GPR35: variants seen among roughly 807,000 people sequenced by gnomAD.
GPR35 encodes KYNA receptor.
For missense variants in GPR35, 372 were observed against 422.5 expected, an observed-to-expected ratio of 0.88 and a Z score of 1.05; for synonymous variants, 207 against 198.4, an observed-to-expected ratio of 1.04 and a Z score of -0.36.
intron 2 of GPR35, among the ~76,000 whole-genome samples, chr2:240,614,796 AT>A (rs1360920746): frequency 2.0e-5 from 3 of 152,162 alleles, no homozygotes. Context: ...GATGTAGCTT[AT>A]CAGAGTGTGT....
upstream of GPR35, among the ~76,000 whole-genome samples, chr2:240,623,806 C>T (rs1430374108): frequency 2.6e-5 from 4 of 152,174 alleles, no homozygotes; most frequent in Non-Finnish European, 5.9e-5. Context: ...CAGTTTCTTC[C>T]CCAAGTCCAC....
intron 2 of GPR35, among the ~76,000 whole-genome samples, chr2:240,613,871 C>G (rs2043211929): frequency 6.6e-6 from 1 of 151,626 alleles, no homozygotes; most frequent in African/African-American, 2.4e-5. Flanking sequence ...AACCCTAACC[C>G]TAACTCAACC....
rs2043452094 is a variant in GPR35, at chr2:240,631,807, T to C, written c.*925T>C. 6.6e-6 allele frequency among the ~76,000 whole-genome samples: 1 copy of C among 152,324 alleles called. No individual in the cohort carries two copies. Among genetic ancestry groups the C allele is most frequent in the South Asian group, 2.1e-4 (1 of 4,832 alleles). ...GCACTCCAGAGACCTCCTGTGAGTG[T>C]GGGCCAGCACGGCCTGGGCTCAAAC... On this transcript the variant is annotated 3_prime_UTR_variant, in exon 2 of 2. Coordinates refer to ENST00000407714, the MANE Select transcript of GPR35 (RefSeq NM_005301.5).
chr2:240,612,640 G>A (rs981534520), intron 2 of GPR35, among the ~76,000 whole-genome samples: 6 of 152,312 alleles, frequency 3.9e-5, no homozygotes, highest in Non-Finnish European at 8.8e-5. Flanking sequence ...GTGAGGAAAT[G>A]GACTCTGTGA....
intron 2 of GPR35, among the ~76,000 whole-genome samples, chr2:240,614,852 T>A (rs140360384): frequency 6.6e-6 from 1 of 152,158 alleles, no homozygotes; most frequent in Non-Finnish European, 1.5e-5. Context: ...TGTGTATATA[T>A]CTATGTATGT....
exon 5 of GPR35, chr2:240,618,953 G>T (rs946183820): frequency 4.0e-5 from 28 of 702,640 alleles, no homozygotes; most frequent in Non-Finnish European, 6.8e-5. Context: ...ATGCTGAGTG[G>T]TTCCCGGGCT....
At chr2:240,606,457 C>A (rs1346246279) in exon 2 of GPR35, 1 of 152,360 alleles carries the variant, frequency 6.6e-6, no homozygotes, top group Admixed American at 6.5e-5. Flanking sequence ...TCACTTTCCA[C>A]CATCTTGCTG....
At chr2:240,625,417 C>T, upstream of GPR35, 3 of 985,476 alleles carry the variant, frequency 3.0e-6, no homozygotes, top group Middle Eastern at 5.2e-4. Flanking sequence ...AGCCGCCCGC[C>T]CCCCCACCTT....
At chr2:240,621,979 C>T (rs1389291925), upstream of GPR35, among the ~76,000 whole-genome samples, 1 of 152,262 alleles carries the variant, frequency 6.6e-6, no homozygotes, top group Non-Finnish European at 1.5e-5. Flanking sequence ...CTCAGGTGCT[C>T]CTCCCGCCTT....
At chr2:240,616,930 G>A in intron 3 of GPR35, 1 of 770,302 alleles carries the variant, frequency 1.3e-6, no homozygotes, top group South Asian at 1.4e-5. Flanking sequence ...GGAAGATTTG[G>A]GGTCCTCAGG....
intron 3 of GPR35, chr2:240,616,985 G>A (rs778817361): frequency 6.5e-6 from 5 of 770,298 alleles, no homozygotes; most frequent in African/African-American, 1.7e-5. Flanking sequence ...GCCACCTGGG[G>A]GAGCTGGAAG....
intron 1 of GPR35, chr2:240,628,905 T>C (rs767742261): frequency 1.3e-5 from 2 of 152,226 alleles, no homozygotes; most frequent in Non-Finnish European, 2.9e-5. Flanking sequence ...TCCTGGACTC[T>C]GGGCGCTCAC....
At chr2:240,617,645 C>T in intron 4 of GPR35, 1 of 178,138 alleles carries the variant, frequency 5.6e-6, no homozygotes. Flanking sequence ...CCTTCCTTTC[C>T]TCATTTATAA....
At chr2:240,628,913 C>T (rs2043406950) in intron 1 of GPR35, 1 of 152,186 alleles carries the variant, frequency 6.6e-6, no homozygotes, top group Non-Finnish European at 1.5e-5. Context: ...TCTGGGCGCT[C>T]ACCAGCAGCT....
upstream of GPR35, among the ~76,000 whole-genome samples, chr2:240,621,188 C>G (rs542933334): frequency 1.3e-5 from 2 of 152,220 alleles, no homozygotes; most frequent in African/African-American, 4.8e-5. Flanking sequence ...GGGGGCACAG[C>G]GCTTGAAGGG....
At chr2:240,624,558 G>A (rs757246604), upstream of GPR35, among the ~76,000 whole-genome samples, 41 of 152,328 alleles carry the variant, frequency 2.7e-4, no homozygotes, top group South Asian at 8.3e-4. Context: ...TGGGCCAAGC[G>A]CTTCCCTTCC....
At chr2:240,621,777 AG>A (rs1216038741), upstream of GPR35, among the ~76,000 whole-genome samples, 3 of 152,232 alleles carry the variant, frequency 2.0e-5, no homozygotes, top group Non-Finnish European at 4.4e-5. Flanking sequence ...AGAAAGCAAG[AG>A]GGGGAACACC....
chr2:240,627,439 C>T (rs1001189034), intron 1 of GPR35: 1 of 152,136 alleles, frequency 6.6e-6, no homozygotes, highest in Non-Finnish European at 1.5e-5. Flanking sequence ...TTATTATAAA[C>T]AGGAAAATTT....
chr2:240,620,721 G>T (rs918247937), upstream of GPR35, among the ~76,000 whole-genome samples: 10 of 152,246 alleles, frequency 6.6e-5, no homozygotes, highest in South Asian at 1.7e-3. Flanking sequence ...GTCTTGGCTG[G>T]AGGGGACCTT....
Sources: allele counts gnomAD v4.1 joint callset (sites outside exome capture counted in the v4.1 genomes callset), GRCh38; gene constraint gnomAD v4.1.1; transcripts MANE v1.5; gene names NCBI Gene and HGNC (gene_info 2026-07-23, HGNC 2026-07-21).